TCF4: variants seen among roughly 807,000 people sequenced by gnomAD.
TCF4 encodes transcription factor 4, also known as SL3-3 enhancer factor 2.
A neutral mutation model predicts 82.1 loss-of-function variants in TCF4; 3 were observed. The ratio of observed to expected loss-of-function variants is 0.04; its 90% CI spans 0.02 to 0.09. TCF4 has a LOEUF of 0.09. TCF4 is among the 10% of genes least tolerant of loss of function. TCF4 has a pLI of 1.00. For missense variants in TCF4, 518 were observed against 852.7 expected (o/e 0.61, Z 4.89); for synonymous variants, 276 against 309.6 (o/e 0.89, Z 1.14).
chr18:55,276,960 T>A (rs894443763), intron 9 of TCF4, among the ~76,000 whole-genome samples: 1 of 152,196 alleles, frequency 6.6e-6, no homozygotes, highest in Non-Finnish European at 1.5e-5. Flanking sequence ...TTAAGAACCA[T>A]GCAAGCAAAA....
At chr18:55,579,374 T>C (rs1004031115) in intron 3 of TCF4, among the ~76,000 whole-genome samples, 1 of 151,780 alleles carries the variant, frequency 6.6e-6, no homozygotes, top group Non-Finnish European at 1.5e-5. Context: ...TGTAATGTAT[T>C]TTACATTTTC....
intron 3 of TCF4, among the ~76,000 whole-genome samples, chr18:55,474,857 C>T (rs1021959481): frequency 2.0e-5 from 3 of 152,110 alleles, no homozygotes; most frequent in South Asian, 2.1e-4. Flanking sequence ...TCACCACAGC[C>T]GCAACCTCCT....
At chr18:55,545,631 G>A (rs2097199863) in intron 3 of TCF4, among the ~76,000 whole-genome samples, 1 of 152,044 alleles carries the variant, frequency 6.6e-6, no homozygotes, top group Non-Finnish European at 1.5e-5. Flanking sequence ...GTATTTTTCA[G>A]TAGAGACAGG....
chr18:55,586,153 GAGCAGCAGC>G lies in TCF4; in HGVS notation c.73-810_73-802del, dbSNP rs55725917. 9.5e-3 allele frequency: 6,693 copies of G among 706,820 alleles called. 173 individuals carry two copies. The highest frequency in any genetic ancestry group is 0.043 in the African/African-American group (2,413 of 55,538). 43.8% of individuals were successfully genotyped at this position (706,820 alleles called of 1,614,324 possible). A position where few individuals can be genotyped will look rare whatever the true frequency, so the allele number is the denominator to read the frequency against. On this transcript the variant is annotated intron_variant, in intron 2 of 19. Transcript: ENST00000354452. ...GGAGGAGAAGGAGGAGGAGGAGGAG[GAGCAGCAGC>G]AGCAGCAGCAGCAGCAGCAGCAGCA...
intron 5 of TCF4, among the ~76,000 whole-genome samples, chr18:55,427,870 C>A (rs2095050351): frequency 6.6e-6 from 1 of 152,086 alleles, no homozygotes; most frequent in African/African-American, 2.4e-5. Flanking sequence ...TCATGAGAAC[C>A]AATGATTCTA....
At chr18:55,272,354 C>G (rs1295888473) in intron 10 of TCF4, among the ~76,000 whole-genome samples, 1 of 152,036 alleles carries the variant, frequency 6.6e-6, no homozygotes, top group Non-Finnish European at 1.5e-5. Flanking sequence ...AATAATGTCT[C>G]TTTTAGAGGA....
intron 2 of TCF4, among the ~76,000 whole-genome samples, chr18:55,619,290 A>G (rs574490584): frequency 1.4e-4 from 21 of 152,252 alleles, no homozygotes; most frequent in Admixed American, 5.9e-4. Flanking sequence ...AGAAATCCTA[A>G]CCCATTTCCT....
At position 55,418,260 on chromosome 18, in the gene TCF4, T is replaced by C. The variant is rs543264118; in HGVS notation, c.305-14742A>G. Among the ~76,000 whole-genome samples, 3 of 152,230 alleles carry C rather than the reference T, an allele frequency of 2.0e-5. No individual in the cohort carries two copies. The East Asian group carries it at 5.8e-4, about 29-fold the overall frequency. The stretch of plus-strand genomic sequence containing the variant: ...CTCAAATGCATCGCTTTTGCCTTAA[T>C]TAAGGATAACATTGCGTCAATGAGC... On this transcript the variant is annotated intron_variant, in intron 5 of 19. Coordinates refer to ENST00000354452, the MANE Select transcript of TCF4 (RefSeq NM_001083962.2).
intron 5 of TCF4, among the ~76,000 whole-genome samples, chr18:55,446,141 C>T (rs1159465408): frequency 1.3e-5 from 2 of 152,142 alleles, no homozygotes; most frequent in Admixed American, 1.3e-4. Context: ...TCCCCTGCCT[C>T]CTTTAGGGGA....
At chr18:55,449,300 T>G (rs2095580930) in intron 5 of TCF4, among the ~76,000 whole-genome samples, 1 of 152,130 alleles carries the variant, frequency 6.6e-6, no homozygotes, top group South Asian at 2.1e-4. Context: ...TCACTGCATC[T>G]CAATTTCCAA....
At chr18:55,352,188 C>A (rs755333912) in intron 6 of TCF4, among the ~76,000 whole-genome samples, 1 of 152,154 alleles carries the variant, frequency 6.6e-6, no homozygotes, top group Non-Finnish European at 1.5e-5. Context: ...AGGCAGTCAC[C>A]AACTAAAACA....
intron 3 of TCF4, among the ~76,000 whole-genome samples, chr18:55,543,918 A>G (rs1255077020): frequency 6.6e-6 from 1 of 152,182 alleles, no homozygotes; most frequent in East Asian, 1.9e-4. Context: ...GTATGGAAGA[A>G]AAGTCTGGTA....
At chr18:55,259,290 G>A (rs2057530164) in intron 13 of TCF4, among the ~76,000 whole-genome samples, 1 of 152,072 alleles carries the variant, frequency 6.6e-6, no homozygotes, top group South Asian at 2.1e-4. Context: ...CTTTCTGGAA[G>A]CATTTATATT....
At chr18:55,243,859 C>G (rs1468758317) in intron 15 of TCF4, among the ~76,000 whole-genome samples, 1 of 152,084 alleles carries the variant, frequency 6.6e-6, no homozygotes, top group African/African-American at 2.4e-5. Context: ...CAATGGCAAA[C>G]GTTCACCCAT....
chr18:55,269,966 A>G lies in TCF4; in HGVS notation c.790-3T>C. The G allele has an allele frequency of 6.2e-7, 1 of 1,613,158 alleles. No homozygotes were observed. Among genetic ancestry groups the G allele is most frequent in the Non-Finnish European group, 8.5e-7 (1 of 1,179,326 alleles). On this transcript the variant is annotated splice_polypyrimidine_tract_variant and splice_region_variant and intron_variant, in intron 10 of 19. Coordinates refer to ENST00000354452, the MANE Select transcript of TCF4 (RefSeq NM_001083962.2). Reference sequence around the variant, plus strand: ...GCTGAGGAGTGTGATGGATAGCTCTATAGCAAGAAGCAGAAAAAGGTGGCC... The same window carrying G: ...GCTGAGGAGTGTGATGGATAGCTCTGTAGCAAGAAGCAGAAAAAGGTGGCC...
intron 3 of TCF4, among the ~76,000 whole-genome samples, chr18:55,536,134 T>C (rs561321363): frequency 3.3e-5 from 5 of 152,218 alleles, no homozygotes; most frequent in Non-Finnish European, 5.9e-5. Context: ...TTCAAAGTTA[T>C]AGTACTCCCA....
At chr18:55,381,664 T>C (rs530071850) in intron 6 of TCF4, among the ~76,000 whole-genome samples, 1 of 152,308 alleles carries the variant, frequency 6.6e-6, no homozygotes, top group South Asian at 2.1e-4. Context: ...TATGTGCACT[T>C]ACAGAAATTC....
chr18:55,419,621 G>A (rs764553930), intron 5 of TCF4, among the ~76,000 whole-genome samples: 1 of 152,070 alleles, frequency 6.6e-6, no homozygotes, highest in African/African-American at 2.4e-5. Flanking sequence ...AATATACTTA[G>A]GGAAATCACA....
chr18:55,365,249 G>GTATA lies in TCF4; in HGVS notation c.370-14250_370-14247dup, dbSNP rs375008306. The stretch of plus-strand genomic sequence containing the variant: ...TGTGTGTGTGTATATATATGTGTGT[G>GTATA]TATATATATATATATATACACACAC... On this transcript the variant is annotated intron_variant, in intron 6 of 19. Coordinates refer to ENST00000354452, the MANE Select transcript of TCF4 (RefSeq NM_001083962.2). Among the ~76,000 whole-genome samples the GTATA allele has an allele frequency of 4.6e-3, 591 of 127,388 alleles. 6 individuals carry two copies. The highest frequency in any genetic ancestry group is 9.4e-3 in the African/African-American group (299 of 31,876). The allele number at this position is 127,388 out of a possible 152,430, so 83.6% of individuals were successfully genotyped here. A position where few individuals can be genotyped will look rare whatever the true frequency, so the allele number is the denominator to read the frequency against.
Sources: gnomAD v4.1 joint callset for allele counts (sites outside exome capture counted in the v4.1 genomes callset) on GRCh38, gnomAD v4.1.1 for gene constraint, MANE v1.5 for transcripts, NCBI Gene and HGNC (gene_info 2026-07-23, HGNC 2026-07-21) for gene names.